Variants in SYNJ1 observed in about 807,000 individuals in gnomAD.
SYNJ1 encodes synaptojanin 1.
In SYNJ1, 78 loss-of-function variants were observed where a neutral mutation model predicts 168.2. That is an observed-to-expected ratio of 0.46 (90% CI 0.39 to 0.56). The LOEUF (loss-of-function observed/expected upper bound fraction) is 0.56. Among genes scored for constraint, SYNJ1 ranks in the 20% least tolerant of loss-of-function variants. SYNJ1 has a pLI of 0.00. For synonymous variants in SYNJ1, 539 were observed against 548.6 expected (o/e 0.98, Z 0.24); for missense variants, 1,303 against 1,597.6 (o/e 0.82, Z 3.14).
At chr21:32,705,222 A>G (rs941331885) in intron 2 of SYNJ1, among the ~76,000 whole-genome samples, 3 of 152,148 alleles carry the variant, frequency 2.0e-5, no homozygotes, top group Admixed American at 6.5e-5. Context: ...ATAGAAACAC[A>G]GATATAAGTA....
chr21:32,712,635 AAC>A (rs758109672), intron 2 of SYNJ1, among the ~76,000 whole-genome samples: 2 of 152,248 alleles, frequency 1.3e-5, no homozygotes, highest in Admixed American at 6.5e-5. Flanking sequence ...TAGGAATAAA[AAC>A]AGTCAGTACC....
intron 18 of SYNJ1, among the ~76,000 whole-genome samples, chr21:32,660,145 C>T (rs544073923): frequency 5.1e-4 from 78 of 152,236 alleles, no homozygotes; most frequent in African/African-American, 1.6e-3. Flanking sequence ...CCAGACTGTG[C>T]GGCTCTGGCC....
At chr21:32,665,798 A>T in intron 17 of SYNJ1, 145 bp downstream of exon 17, 1 of 882,266 alleles carries the variant, frequency 1.1e-6, no homozygotes, top group Non-Finnish European at 1.6e-6. Context: ...ATTTTGGGTT[A>T]ATACTCATGA....
intron 6 of SYNJ1, among the ~76,000 whole-genome samples, chr21:32,693,830 GGTAGA>G (rs1025022294): frequency 2.6e-5 from 4 of 152,088 alleles, no homozygotes; most frequent in Non-Finnish European, 5.9e-5. Context: ...AGCTAGTAGT[GGTAGA>G]GTAAAGATCC....
intron 2 of SYNJ1, among the ~76,000 whole-genome samples, chr21:32,708,530 T>A (rs974751227): frequency 6.6e-6 from 1 of 152,204 alleles, no homozygotes; most frequent in Non-Finnish European, 1.5e-5. Context: ...TCGGAGTGAT[T>A]CTGAGCCCAT....
At chr21:32,641,783 G>C (rs1601243449) in intron 29 of SYNJ1, 113 bp downstream of exon 29, 2 of 655,000 alleles carry the variant, frequency 3.1e-6, no homozygotes, top group Non-Finnish European at 5.2e-6. Context: ...TTTTAGAGAT[G>C]AGGAAATTGA....
intron 9 of SYNJ1, 85 bp downstream of exon 9, chr21:32,685,663 A>T: frequency 1.0e-6 from 1 of 960,920 alleles, no homozygotes; most frequent in Non-Finnish European, 1.4e-6. Flanking sequence ...CTTTAATTTT[A>T]AAAAGAAAAT....
Position 32,668,213 on chromosome 21 carries a change from G to A in SYNJ1, c.1812-1640C>T, listed in dbSNP as rs192143981. 1.0e-3 allele frequency among the ~76,000 whole-genome samples: 152 copies of A among 152,050 alleles called. 1 individual carries two copies. Among genetic ancestry groups the A allele is most frequent in the African/African-American group, 2.8e-3 (116 of 41,482 alleles). ...CCTGAGTAGCTGGGATTACAGGCAC[G>A]GGGCACCACGTCCAGCTGATTTTTT... On this transcript the variant is annotated intron_variant, in intron 15 of 32. Coordinates refer to ENST00000674351, the MANE Select transcript of SYNJ1 (RefSeq NM_203446.3).
chr21:32,718,770 T>C (rs1463386482), intron 2 of SYNJ1, among the ~76,000 whole-genome samples: 1 of 152,212 alleles, frequency 6.6e-6, no homozygotes, highest in Admixed American at 6.5e-5. Flanking sequence ...ACTTTGTTTT[T>C]AATGACTTTA....
intron 2 of SYNJ1, among the ~76,000 whole-genome samples, chr21:32,718,796 T>C (rs374340045): frequency 2.0e-5 from 3 of 152,308 alleles, no homozygotes; most frequent in East Asian, 3.9e-4. Flanking sequence ...AATTAAACCA[T>C]ACTTTCTCCT....
intron 2 of SYNJ1, among the ~76,000 whole-genome samples, chr21:32,706,299 A>C (rs971817250): frequency 6.6e-6 from 1 of 152,250 alleles, no homozygotes; most frequent in African/African-American, 2.4e-5. Flanking sequence ...TTGCTATAAA[A>C]GACATTGTTG....
chr21:32,657,920 T>C (rs998584501), intron 18 of SYNJ1, 48 bp from the exon 19 acceptor site: 6 of 1,465,886 alleles, frequency 4.1e-6, no homozygotes, highest in South Asian at 1.2e-5. Flanking sequence ...AGCAACAAGT[T>C]CTGTTTTCAT....
At chr21:32,702,178 TC>T in intron 2 of SYNJ1, 131 bp from the exon 3 acceptor site, 1 of 573,498 alleles carries the variant, frequency 1.7e-6, no homozygotes, top group South Asian at 3.0e-5. Flanking sequence ...CTGCATATTT[TC>T]TTAAACTAGT....
rs1168451129 is a variant in SYNJ1 at position 32,694,407 on chromosome 21, T to C, written c.706-96A>G. Reference sequence around the variant, plus strand: ...TTTACTAAAATCTATTGCATACTAGTTACATTTTATGATCTAACTCTCATA... The same window carrying C: ...TTTACTAAAATCTATTGCATACTAGCTACATTTTATGATCTAACTCTCATA... On this transcript the variant is annotated intron_variant, in intron 5 of 32. Coordinates refer to ENST00000674351, the MANE Select transcript of SYNJ1 (RefSeq NM_203446.3). The C allele has an allele frequency of 9.5e-6, 8 of 845,226 alleles. No individual in the cohort carries two copies. In the South Asian group the frequency reaches 1.1e-4, roughly 11 times the overall value. The allele number at this position is 845,226 out of a possible 1,614,324, so 52.4% of individuals were successfully genotyped here.
At chr21:32,644,045 TC>T (rs2039962088) in intron 26 of SYNJ1, among the ~76,000 whole-genome samples, 1 of 152,220 alleles carries the variant, frequency 6.6e-6, no homozygotes, top group Non-Finnish European at 1.5e-5. Context: ...TTTGACAGAT[TC>T]ATTTTAAATT....
At chr21:32,669,579 G>C (rs953768930) in intron 15 of SYNJ1, among the ~76,000 whole-genome samples, 1 of 152,108 alleles carries the variant, frequency 6.6e-6, no homozygotes, top group Non-Finnish European at 1.5e-5. Context: ...TTAGATAATA[G>C]AGCAGAAAAA....
rs748818427 is a variant in SYNJ1, at chr21:32,678,644, C to A, written c.1510+1G>T. ...ACAAATAAAATATAAAGTGCACATA[C>A]CACGCAAACTTCCAGTAGTTAAAAG... is the stretch of plus-strand genomic sequence containing the variant. On this transcript the variant is annotated splice_donor_variant, in intron 12 of 32. Transcript: ENST00000674351. LOFTEE classifies it high-confidence loss of function. 1 of 1,600,544 alleles carries A rather than the reference C, an allele frequency of 6.2e-7. No homozygotes were observed.
chr21:32,727,630 G>C (rs2043526930), intron 1 of SYNJ1, among the ~76,000 whole-genome samples: 1 of 152,198 alleles, frequency 6.6e-6, no homozygotes, highest in African/African-American at 2.4e-5. Context: ...TTCTCGGAGA[G>C]ACGGAAGAGC....
chr21:32,684,249 T>A, intron 9 of SYNJ1, 130 bp from the exon 10 acceptor site: 1 of 761,478 alleles, frequency 1.3e-6, no homozygotes. Context: ...AGTATTCAAA[T>A]ATACAAAAAA....
Sources: allele counts gnomAD v4.1 joint callset (sites outside exome capture counted in the v4.1 genomes callset), GRCh38; gene constraint gnomAD v4.1.1; transcripts MANE v1.5; gene names NCBI Gene and HGNC (gene_info 2026-07-23, HGNC 2026-07-21).